Variants in FOCAD observed in about 807,000 individuals in gnomAD.
FOCAD encodes the protein focadhesin, also known as KIAA1797.
A neutral mutation model predicts 225.6 loss-of-function variants in FOCAD; 198 were observed. That is an observed-to-expected ratio of 0.88 (90% CI 0.78 to 0.99). The LOEUF (loss-of-function observed/expected upper bound fraction) is 0.99, where lower values mean the gene tolerates loss of function less well. FOCAD is among the 50% of genes least tolerant of loss of function. The pLI is 0.00. For synonymous variants in FOCAD, 897 were observed against 755.0 expected, an observed-to-expected ratio of 1.19 and a Z score of -3.08; for missense variants, 2,713 against 2,123.6, an observed-to-expected ratio of 1.28 and a Z score of -5.46.
intron 35 of FOCAD, among the ~76,000 whole-genome samples, chr9:20,972,727 T>C (rs924556843): frequency 6.6e-6 from 1 of 152,220 alleles, no homozygotes; most frequent in African/African-American, 2.4e-5. Flanking sequence ...TGTTTCTTTT[T>C]CTGCTGATTC....
At chr9:20,836,935 A>G (rs1419409400) in intron 15 of FOCAD, among the ~76,000 whole-genome samples, 3 of 152,120 alleles carry the variant, frequency 2.0e-5, no homozygotes, top group Admixed American at 2.0e-4. Flanking sequence ...TGAATGCTAT[A>G]TCCCAACTTA....
intron 5 of FOCAD, among the ~76,000 whole-genome samples, chr9:20,757,718 C>CAGG (rs1359646832): frequency 2.0e-5 from 3 of 152,002 alleles, no homozygotes; most frequent in Admixed American, 1.3e-4. Context: ...GCAGCGGTAG[C>CAGG]AGGAGGAGGA....
chr9:20,957,478 C>CTTTTTTTTTTTTCTT (rs1838275470), intron 35 of FOCAD: 1 of 81,480 alleles, frequency 1.2e-5, no homozygotes, highest in Non-Finnish European at 2.2e-5. Context: ...CTTTTCTTTT[C>CTTTTTTTTTTTTCTT]TTTTTTTTTT....
chr9:20,931,758 C>T (rs1034634153), intron 27 of FOCAD, among the ~76,000 whole-genome samples: 2 of 152,044 alleles, frequency 1.3e-5, no homozygotes, highest in Non-Finnish European at 2.9e-5. Context: ...ACCAGCCAGG[C>T]ATGGTGGCAG....
At chr9:20,682,849 C>CA (rs1028391888), upstream of FOCAD, among the ~76,000 whole-genome samples, 31 of 152,204 alleles carry the variant, frequency 2.0e-4, no homozygotes, top group African/African-American at 6.5e-4. Flanking sequence ...CGGCTCACTG[C>CA]AACCTCCGCC....
chr9:20,683,069 GATTA>G (rs1474691251), upstream of FOCAD, among the ~76,000 whole-genome samples: 1 of 152,106 alleles, frequency 6.6e-6, no homozygotes, highest in Non-Finnish European at 1.5e-5. Context: ...CTGGCCCCAA[GATTA>G]ATTTAGATAA....
chr9:20,871,372 T>C (rs1829749532), intron 18 of FOCAD, among the ~76,000 whole-genome samples: 1 of 151,664 alleles, frequency 6.6e-6, no homozygotes, highest in African/African-American at 2.4e-5. Flanking sequence ...AATAGATACA[T>C]ATGCAGTTTT....
intron 4 of FOCAD, among the ~76,000 whole-genome samples, chr9:20,737,693 A>G (rs752876372): frequency 1.3e-5 from 2 of 152,222 alleles, no homozygotes; most frequent in Non-Finnish European, 2.9e-5. Flanking sequence ...GATTCTCAGA[A>G]TGGCTCACCC....
intron 7 of FOCAD, among the ~76,000 whole-genome samples, chr9:20,765,998 G>C: frequency 6.6e-6 from 1 of 152,184 alleles, no homozygotes; most frequent in Admixed American, 6.5e-5. Flanking sequence ...TCAAGGCAGA[G>C]AAAATTTAAT....
chr9:20,917,440 T>G (rs1401576967), intron 24 of FOCAD, among the ~76,000 whole-genome samples: 1 of 152,172 alleles, frequency 6.6e-6, no homozygotes, highest in Non-Finnish European at 1.5e-5. Context: ...TTAACAAAAA[T>G]TACTTGAGTG....
Position 20,988,447 on chromosome 9 carries a change from A to T in FOCAD, c.5004+18A>T, listed in dbSNP as rs1841376939. 7.5e-7 allele frequency: 1 copy of T among 1,325,016 alleles called. No individual in the cohort carries two copies. 82.1% of individuals were successfully genotyped at this position (1,325,016 alleles called of 1,614,324 possible). A position where few individuals can be genotyped will look rare whatever the true frequency, so the allele number is the denominator to read the frequency against. The stretch of plus-strand genomic sequence containing the variant: ...TTGACAAGGTAAAATCTAGAGGAGT[A>T]GTTTATAGCTTCCTTAAAATACAGA... On this transcript the variant is annotated intron_variant, in intron 41 of 43. Transcript: ENST00000338382.
rs1176165465 is a variant in FOCAD, at chr9:20,842,069, ATTC to A, written c.1920+18957_1920+18959del. The stretch of plus-strand genomic sequence containing the variant: ...ATGTGTTTGTATAGTTTCCAAAGTT[ATTC>A]TTGTTATTGATTTCTAGTTTTATTC... On this transcript the variant is annotated intron_variant, in intron 15 of 43. Coordinates refer to ENST00000338382, the MANE Select transcript of FOCAD (RefSeq NM_001375567.1). Among the ~76,000 whole-genome samples the A allele has an allele frequency of 2.0e-5, 3 of 151,494 alleles. No homozygotes were observed. In the East Asian group the frequency reaches 5.8e-4, roughly 29 times the overall value.
chr9:20,789,554 T>C lies in FOCAD; in HGVS notation c.1401T>C (p.Asn467=). Residue 467 remains asparagine (N), a synonymous_variant, in exon 11 of 44, where the codon AAT becomes AAC. Coordinates refer to ENST00000338382, the MANE Select transcript of FOCAD (RefSeq NM_001375567.1). ...TCCTTGTTGAAGACAAAGGACAAAATCTTCACCAAATACTCAAGGTCACTA... is the reference window on the plus strand; with the variant it reads ...TCCTTGTTGAAGACAAAGGACAAAACCTTCACCAAATACTCAAGGTCACTA... ...AHLLVEDKGQ[N]LHQILKVTTE... 1 of 1,613,868 alleles carries C rather than the reference T, an allele frequency of 6.2e-7. No homozygotes were observed. The highest frequency in any genetic ancestry group is 8.5e-7 in the Non-Finnish European group (1 of 1,179,934).
At chr9:20,819,627 G>A (rs1249933530) in intron 11 of FOCAD, among the ~76,000 whole-genome samples, 169 bp from the exon 12 acceptor site, 1 of 152,046 alleles carries the variant, frequency 6.6e-6, no homozygotes, top group African/African-American at 2.4e-5. Flanking sequence ...TAGAATACTA[G>A]TGACACTATG....
intron 35 of FOCAD, among the ~76,000 whole-genome samples, chr9:20,960,107 A>C (rs184972950): frequency 6.6e-6 from 1 of 152,272 alleles, no homozygotes; most frequent in East Asian, 1.9e-4. Flanking sequence ...GCACTTATTT[A>C]TTGGTCTCTT....
intron 17 of FOCAD, among the ~76,000 whole-genome samples, chr9:20,866,428 A>G (rs1829251316): frequency 6.6e-6 from 1 of 151,998 alleles, no homozygotes; most frequent in African/African-American, 2.4e-5. Flanking sequence ...AACTTGCCCT[A>G]TTAATAGGTG....
At chr9:20,879,028 A>T (rs1389063551) in intron 19 of FOCAD, among the ~76,000 whole-genome samples, 1 of 152,042 alleles carries the variant, frequency 6.6e-6, no homozygotes, top group African/African-American at 2.4e-5. Flanking sequence ...TTGAGGGCAG[A>T]TCTCCCCTGT....
intron 35 of FOCAD, chr9:20,957,424 A>G (rs1180742969): frequency 1.4e-5 from 2 of 142,432 alleles, no homozygotes; most frequent in African/African-American, 2.6e-5. Context: ...AAACTTAATC[A>G]TTTTCGTATT....
intron 2 of FOCAD, among the ~76,000 whole-genome samples, chr9:20,659,190 A>G (rs886663309): frequency 5.3e-5 from 8 of 152,116 alleles, no homozygotes; most frequent in African/African-American, 1.7e-4. Flanking sequence ...ACTGCCCTCC[A>G]GCCTAGGGAA....
Sources: allele counts gnomAD v4.1 joint callset (sites outside exome capture counted in the v4.1 genomes callset), GRCh38; gene constraint gnomAD v4.1.1; transcripts MANE v1.5; gene names NCBI Gene and HGNC (gene_info 2026-07-23, HGNC 2026-07-21).